The following B4GALNT3 variants were observed in gnomAD, a reference collection of about 807,000 sequenced individuals.
B4GALNT3 encodes beta-1,4-N-acetylgalactosaminyltransferase 3.
B4GALNT3 carries 86 observed loss-of-function variants against 120.2 expected under a neutral mutation model. The ratio of observed to expected loss-of-function variants is 0.72; its 90% CI spans 0.60 to 0.86. The LOEUF is 0.86. B4GALNT3 is among the 40% of genes least tolerant of loss of function. The pLI is 0.00. For synonymous variants in B4GALNT3, 518 were observed against 510.4 expected, an observed-to-expected ratio of 1.01 and a Z score of -0.20; for missense variants, 1,167 against 1,298.9, an observed-to-expected ratio of 0.90 and a Z score of 1.56.
At position 561,593 on chromosome 12, in the gene B4GALNT3, A is replaced by G. The variant is rs1377035598; in HGVS notation, c.*142A>G. The G allele has an allele frequency of 1.6e-6, 1 of 644,604 alleles. No homozygotes were observed. The highest frequency in any genetic ancestry group is 1.8e-5 in the African/African-American group (1 of 54,836). The allele number at this position is 644,604 out of a possible 1,614,324, so 39.9% of individuals were successfully genotyped here. A position where few individuals can be genotyped will look rare whatever the true frequency, so the allele number is the denominator to read the frequency against. ...GAAGCTGACGGCCCACTCCACCTGG[A>G]GCTGTCCCCTCACAGAGGCAGGTTC... On this transcript the variant is annotated 3_prime_UTR_variant, in exon 20 of 20. Coordinates refer to ENST00000266383, the MANE Select transcript of B4GALNT3 (RefSeq NM_173593.4).
At chr12:528,099 G>A (rs1316980612) in intron 1 of B4GALNT3, among the ~76,000 whole-genome samples, 1 of 152,088 alleles carries the variant, frequency 6.6e-6, no homozygotes, top group East Asian at 1.9e-4. Flanking sequence ...GTGGAATTTG[G>A]TACACAGGTT....
intron 3 of B4GALNT3, among the ~76,000 whole-genome samples, chr12:540,816 T>C (rs1210762805): frequency 6.6e-6 from 1 of 152,128 alleles, no homozygotes; most frequent in Non-Finnish European, 1.5e-5. Context: ...GGATCTCGGC[T>C]CACTGCAACC....
chr12:514,206 T>G (rs919062248), intron 1 of B4GALNT3, among the ~76,000 whole-genome samples: 2 of 151,020 alleles, frequency 1.3e-5, no homozygotes, highest in African/African-American at 2.4e-5. Context: ...TTGTTTTTTT[T>G]TTTTTTTTTG....
chr12:509,466 G>C (rs1946526324), intron 1 of B4GALNT3, among the ~76,000 whole-genome samples: 1 of 152,166 alleles, frequency 6.6e-6, no homozygotes, highest in African/African-American at 2.4e-5. Flanking sequence ...CTGAAACCCG[G>C]ATACGGAATA....
rs1235327380 is a variant in B4GALNT3, at chr12:562,127, G to A, written c.*676G>A. Reference sequence around the variant, plus strand: ...CCTCCGGATGGCTCACGTCAGACCAGAAGCACAGAACGGGCTGTTTCTGGT... The same window carrying A: ...CCTCCGGATGGCTCACGTCAGACCAAAAGCACAGAACGGGCTGTTTCTGGT... On this transcript the variant is annotated 3_prime_UTR_variant, in exon 20 of 20. Coordinates refer to ENST00000266383, the MANE Select transcript of B4GALNT3 (RefSeq NM_173593.4). The surrounding 1 kb of genome is among the most constrained non-coding windows in gnomAD (Gnocchi z 5.2). The A allele has an allele frequency of 1.3e-5, 2 of 152,326 alleles. No individual in the cohort carries two copies. The highest frequency in any genetic ancestry group is 4.8e-5 in the African/African-American group (2 of 41,452). 9.4% of individuals were successfully genotyped at this position (152,326 alleles called of 1,614,324 possible).
At chr12:552,923 C>A (rs1947101988) in intron 13 of B4GALNT3, 1 of 526,522 alleles carries the variant, frequency 1.9e-6, no homozygotes, top group Admixed American at 3.4e-5. Flanking sequence ...AGGTGCTATG[C>A]ACCTGCCGGG....
chr12:477,649 C>T (rs58254236), intron 1 of B4GALNT3, among the ~76,000 whole-genome samples: 2,583 of 152,138 alleles, frequency 0.017, 94 homozygotes, highest in African/African-American at 0.058. Flanking sequence ...TTTCTTGAAT[C>T]GAGAAGGGAT....
intron 1 of B4GALNT3, among the ~76,000 whole-genome samples, chr12:478,979 CG>C (rs1946210206): frequency 6.6e-6 from 1 of 152,130 alleles, no homozygotes; most frequent in Admixed American, 6.5e-5. Context: ...TCCTGGAGTT[CG>C]CTGGGAAGAC....
At chr12:511,611 C>T (rs1197576883) in intron 1 of B4GALNT3, among the ~76,000 whole-genome samples, 1 of 143,828 alleles carries the variant, frequency 7.0e-6, no homozygotes, top group African/African-American at 2.6e-5. Flanking sequence ...CCACCTTCGA[C>T]CTTCTTCCAC....
At chr12:554,609 T>C (rs1398767596) in intron 14 of B4GALNT3, among the ~76,000 whole-genome samples, 2 of 149,870 alleles carry the variant, frequency 1.3e-5, no homozygotes, top group East Asian at 2.0e-4. Context: ...GCTAACACGG[T>C]GAAACCCCGT....
intron 4 of B4GALNT3, 60 bp downstream of exon 4, chr12:544,494 C>G: frequency 7.0e-7 from 1 of 1,418,816 alleles, no homozygotes; most frequent in Non-Finnish European, 1.0e-6. Flanking sequence ...CTGCCCACTT[C>G]TGTCTCTCAT....
At chr12:541,179 C>T (rs535812426) in intron 3 of B4GALNT3, among the ~76,000 whole-genome samples, 3 of 152,344 alleles carry the variant, frequency 2.0e-5, no homozygotes, top group South Asian at 2.1e-4. Flanking sequence ...AGTGAGGGCC[C>T]GGCAGGGCCG....
At chr12:520,954 A>G (rs946702542) in intron 1 of B4GALNT3, among the ~76,000 whole-genome samples, 1 of 152,176 alleles carries the variant, frequency 6.6e-6, no homozygotes, top group African/African-American at 2.4e-5. Context: ...CAGCTCTTCC[A>G]TCCTGTAAAG....
intron 19 of B4GALNT3, among the ~76,000 whole-genome samples, 168 bp from the exon 20 acceptor site, chr12:561,175 C>T (rs1282113457): frequency 6.6e-6 from 1 of 152,222 alleles, no homozygotes; most frequent in African/African-American, 2.4e-5. Context: ...CCCAGTCATG[C>T]AGCTGGGATC....
At chr12:470,139 G>A (rs1264455518) in intron 1 of B4GALNT3, among the ~76,000 whole-genome samples, 4 of 152,182 alleles carry the variant, frequency 2.6e-5, no homozygotes, top group African/African-American at 9.7e-5. Flanking sequence ...ACGTCACTAA[G>A]GGGTGAAAGG....
At position 555,416 on chromosome 12, in the gene B4GALNT3, A is replaced by G. The variant is rs1231469728; in HGVS notation, c.2061-1131A>G. ...TCATTCGTGTTGTAGAATCTATTAA[A>G]CACTTCATTCCTCGATATTGCTGAG... is the stretch of plus-strand genomic sequence containing the variant. On this transcript the variant is annotated intron_variant, in intron 14 of 19. Coordinates refer to ENST00000266383, the MANE Select transcript of B4GALNT3 (RefSeq NM_173593.4). 4.4e-5 allele frequency: 20 copies of G among 455,418 alleles called. 1 individual carries two copies. The East Asian group carries it at 1.3e-3, about 30-fold the overall frequency. The allele number at this position is 455,418 out of a possible 1,614,324, so 28.2% of individuals were successfully genotyped here.
chr12:518,880 C>G (rs1426293903), intron 1 of B4GALNT3, among the ~76,000 whole-genome samples: 1 of 151,406 alleles, frequency 6.6e-6, no homozygotes, highest in East Asian at 1.9e-4. Context: ...TGGTTGAATC[C>G]ACGGATATGA....
At chr12:549,018 A>C (rs1381612622) in intron 9 of B4GALNT3, among the ~76,000 whole-genome samples, 1 of 152,222 alleles carries the variant, frequency 6.6e-6, no homozygotes, top group Non-Finnish European at 1.5e-5. Flanking sequence ...AAACCTGTTC[A>C]CCTGCCTTCA....
At chr12:461,554 C>G (rs1472002104) in intron 1 of B4GALNT3, among the ~76,000 whole-genome samples, 1 of 152,166 alleles carries the variant, frequency 6.6e-6, no homozygotes, top group Non-Finnish European at 1.5e-5. Context: ...CCCGGGGAGC[C>G]GAGGTTCAAA....
Sources: allele counts gnomAD v4.1 joint callset (sites outside exome capture counted in the v4.1 genomes callset), GRCh38; gene constraint gnomAD v4.1.1; non-coding constraint Gnocchi (gnomAD v3.1); transcripts MANE v1.5; gene names NCBI Gene and HGNC (gene_info 2026-07-23, HGNC 2026-07-21).